The following SNTB1 variants were observed in gnomAD, a reference collection of about 807,000 sequenced individuals.
SNTB1 encodes beta-1-syntrophin.
Under a neutral mutation model 48.9 loss-of-function variants are expected in SNTB1, and 36 were observed. That is an observed-to-expected ratio of 0.74 (90% CI 0.56 to 0.97). The LOEUF is 0.97. SNTB1 is among the 50% of genes least tolerant of loss of function. The pLI, the probability that SNTB1 is intolerant of heterozygous loss-of-function variation, is 0.00. For missense variants in SNTB1, 786 were observed against 703.4 expected (o/e 1.12, Z -1.33); for synonymous variants, 299 against 294.6 (o/e 1.01, Z -0.15).
chr8:120,747,090 G>A (rs1022053083), intron 1 of SNTB1, among the ~76,000 whole-genome samples: 1 of 151,926 alleles, frequency 6.6e-6, no homozygotes, highest in Non-Finnish European at 1.5e-5. Flanking sequence ...AAAAAAGGCA[G>A]GTTAAAATAC....
At chr8:120,654,671 G>T (rs961958344) in intron 2 of SNTB1, among the ~76,000 whole-genome samples, 1 of 152,148 alleles carries the variant, frequency 6.6e-6, no homozygotes, top group African/African-American at 2.4e-5. Context: ...GCTTCTCAGA[G>T]ATCATTTGGC....
intron 2 of SNTB1, among the ~76,000 whole-genome samples, chr8:120,634,575 G>A (rs915513420): frequency 2.0e-5 from 3 of 152,078 alleles, no homozygotes; most frequent in Non-Finnish European, 4.4e-5. Flanking sequence ...AATGTCTTAT[G>A]GGGGGCACTC....
chr8:120,560,724 C>G (rs905863923), intron 4 of SNTB1, among the ~76,000 whole-genome samples: 2 of 152,100 alleles, frequency 1.3e-5, no homozygotes, highest in African/African-American at 2.4e-5. Flanking sequence ...TCTTTGTGCC[C>G]TTGTGACCTG....
intron 1 of SNTB1, among the ~76,000 whole-genome samples, chr8:120,786,802 T>C (rs1451491587): frequency 6.6e-6 from 1 of 152,194 alleles, no homozygotes; most frequent in Non-Finnish European, 1.5e-5. Flanking sequence ...CTTCCCCACC[T>C]ACCTCTGTCA....
chr8:120,612,749 C>G (rs569104490), intron 3 of SNTB1, among the ~76,000 whole-genome samples: 1 of 152,158 alleles, frequency 6.6e-6, no homozygotes, highest in East Asian at 1.9e-4. Context: ...GACAAAAGTA[C>G]AGCTGGCCAT....
At chr8:120,603,007 A>G (rs1222533944) in intron 3 of SNTB1, among the ~76,000 whole-genome samples, 3 of 152,036 alleles carry the variant, frequency 2.0e-5, no homozygotes, top group African/African-American at 7.2e-5. Flanking sequence ...AAAATGTACA[A>G]TTCAATTATT....
At chr8:120,673,884 G>T (rs1245391479) in intron 2 of SNTB1, among the ~76,000 whole-genome samples, 1 of 152,156 alleles carries the variant, frequency 6.6e-6, no homozygotes, top group East Asian at 1.9e-4. Flanking sequence ...CATGGAAGTA[G>T]GGAGTCGACC....
intron 2 of SNTB1, among the ~76,000 whole-genome samples, chr8:120,683,286 A>G (rs1817969111): frequency 6.6e-6 from 1 of 152,202 alleles, no homozygotes; most frequent in South Asian, 2.1e-4. Flanking sequence ...AGCCGATTAC[A>G]AGCAATTCCA....
intron 1 of SNTB1, among the ~76,000 whole-genome samples, chr8:120,753,213 C>T (rs1819253170): frequency 6.6e-6 from 1 of 152,002 alleles, no homozygotes; most frequent in South Asian, 2.1e-4. Context: ...ATAATACACA[C>T]CAAGGAAAAA....
At chr8:120,654,038 T>TAA (rs1817455516) in intron 2 of SNTB1, among the ~76,000 whole-genome samples, 1 of 4,700 alleles carries the variant, frequency 2.1e-4, no homozygotes, top group Non-Finnish European at 6.4e-4. Context: ...AGACTCTGCC[T>TAA]CAAAAAAAAA....
At chr8:120,649,948 C>T (rs1429707542) in intron 2 of SNTB1, among the ~76,000 whole-genome samples, 1 of 152,196 alleles carries the variant, frequency 6.6e-6, no homozygotes, top group African/African-American at 2.4e-5. Flanking sequence ...TGTCCATCAC[C>T]CCTTTCTTTG....
At chr8:120,613,255 G>A (rs1161444264) in intron 3 of SNTB1, among the ~76,000 whole-genome samples, 2 of 152,092 alleles carry the variant, frequency 1.3e-5, no homozygotes, top group African/African-American at 4.8e-5. Flanking sequence ...GGAGGCTGAG[G>A]CAGGAGAATT....
chr8:120,595,334 A>AT (rs1437446161), intron 3 of SNTB1, among the ~76,000 whole-genome samples: 1 of 152,160 alleles, frequency 6.6e-6, no homozygotes, highest in East Asian at 1.9e-4. Flanking sequence ...AGCTGGCCAA[A>AT]ACCCACCAAA....
chr8:120,641,976 G>A (rs945529141), intron 2 of SNTB1, among the ~76,000 whole-genome samples: 3 of 152,114 alleles, frequency 2.0e-5, no homozygotes, highest in Non-Finnish European at 4.4e-5. Context: ...TTTTGGCAGC[G>A]ATTCTCAAGG....
intron 3 of SNTB1, among the ~76,000 whole-genome samples, chr8:120,583,666 A>G (rs1287476959): frequency 6.6e-6 from 1 of 152,184 alleles, no homozygotes; most frequent in Non-Finnish European, 1.5e-5. Context: ...GAATTCTATC[A>G]AATAGTTAAG....
chr8:120,542,197 A>G (rs1444904636), intron 5 of SNTB1, 197 bp from the exon 6 acceptor site: 6 of 524,498 alleles, frequency 1.1e-5, no homozygotes, highest in Non-Finnish European at 2.0e-5. Flanking sequence ...GCCCCATAGA[A>G]CTAAGGAAAA....
Position 120,653,561 on chromosome 8 carries a change from G to T in SNTB1, c.789-20910C>A, listed in dbSNP as rs1342410668. 5.3e-5 allele frequency among the ~76,000 whole-genome samples: 8 copies of T among 152,288 alleles called. No homozygotes were observed. In the South Asian group the frequency reaches 1.2e-3, roughly 24 times the overall value. ...TAAGCCACCCAGTTTGTGGTACTTT[G>T]TTATGCCAATCCTAGAAAACTATTA... On this transcript the variant is annotated intron_variant, in intron 2 of 6. Transcript: ENST00000517992.
chr8:120,571,019 T>C (rs1436500286), intron 4 of SNTB1: 1 of 319,282 alleles, frequency 3.1e-6, no homozygotes, highest in Non-Finnish European at 5.4e-6. Flanking sequence ...TTTGAATTTT[T>C]TTCACCTCTT....
At chr8:120,565,969 G>A (rs181902120) in intron 4 of SNTB1, among the ~76,000 whole-genome samples, 34 of 152,256 alleles carry the variant, frequency 2.2e-4, no homozygotes, top group African/African-American at 7.2e-4. Context: ...AGCACTTTGG[G>A]AGGCTGAGGA....
Sources: gnomAD v4.1 joint callset for allele counts (sites outside exome capture counted in the v4.1 genomes callset) on GRCh38, gnomAD v4.1.1 for gene constraint, MANE v1.5 for transcripts, NCBI Gene and HGNC (gene_info 2026-07-23, HGNC 2026-07-21) for gene names.